WASL: variants seen among roughly 807,000 people sequenced by gnomAD.
WASL encodes WASP like actin nucleation promoting factor, also known as actin nucleation-promoting factor WASL.
A neutral mutation model predicts 55.5 loss-of-function variants in WASL; 20 were observed. The ratio of observed to expected loss-of-function variants is 0.36; its 90% confidence interval spans 0.25 to 0.52. The LOEUF is 0.52. WASL is among the 20% of genes least tolerant of loss of function. WASL has a pLI of 0.92. For missense variants in WASL, 504 were observed against 622.5 expected, an observed-to-expected ratio of 0.81 and a Z score of 2.03; for synonymous variants, 249 against 217.6, an observed-to-expected ratio of 1.14 and a Z score of -1.27.
chr7:123,721,781 C>T (rs1363511922), intron 1 of WASL, among the ~76,000 whole-genome samples: 2 of 152,032 alleles, frequency 1.3e-5, no homozygotes, highest in Non-Finnish European at 2.9e-5. Context: ...GGCGTGGTGG[C>T]GGGCGCCTGT....
At chr7:123,720,855 T>A (rs1180706224) in intron 1 of WASL, among the ~76,000 whole-genome samples, 2 of 151,800 alleles carry the variant, frequency 1.3e-5, no homozygotes, top group East Asian at 1.9e-4. Context: ...AAATTAAAAA[T>A]TGATTTAAAA....
intron 2 of WASL, among the ~76,000 whole-genome samples, chr7:123,708,602 A>G (rs905830085): frequency 6.6e-6 from 1 of 152,188 alleles, no homozygotes; most frequent in Non-Finnish European, 1.5e-5. Flanking sequence ...AAATCTGAAT[A>G]TATCTATCAT....
At chr7:123,690,448 A>G (rs1334496816) in intron 9 of WASL, among the ~76,000 whole-genome samples, 1 of 152,160 alleles carries the variant, frequency 6.6e-6, no homozygotes, top group Non-Finnish European at 1.5e-5. Flanking sequence ...CAACCACAAA[A>G]TGGTCTTTTT....
At chr7:123,708,549 A>G (rs892031196) in intron 2 of WASL, among the ~76,000 whole-genome samples, 6 of 152,168 alleles carry the variant, frequency 3.9e-5, no homozygotes, top group African/African-American at 1.2e-4. Flanking sequence ...TCAATCTATA[A>G]CAATGTGATT....
At chr7:123,707,114 T>A (rs962564556) in intron 2 of WASL, among the ~76,000 whole-genome samples, 1 of 152,130 alleles carries the variant, frequency 6.6e-6, no homozygotes, top group East Asian at 1.9e-4. Flanking sequence ...AGCTACTTGG[T>A]CAAATACATA....
intron 7 of WASL, among the ~76,000 whole-genome samples, chr7:123,695,153 C>T (rs1383859802): frequency 6.6e-6 from 1 of 151,970 alleles, no homozygotes; most frequent in Non-Finnish European, 1.5e-5. Flanking sequence ...TCTACCTTGT[C>T]CTAAGTAAGT....
chr7:123,701,402 G>GCCT (rs1482613406), intron 5 of WASL, among the ~76,000 whole-genome samples: 1 of 152,130 alleles, frequency 6.6e-6, no homozygotes, highest in East Asian at 1.9e-4. Context: ...AAGCAAAGAA[G>GCCT]CCTCACCAAG....
intron 1 of WASL, among the ~76,000 whole-genome samples, chr7:123,716,873 C>T (rs1803852517): frequency 6.6e-6 from 1 of 151,802 alleles, no homozygotes; most frequent in East Asian, 1.9e-4. Context: ...TAATACAATC[C>T]CCTCATTTTA....
At chr7:123,730,984 T>C (rs1804127345) in intron 1 of WASL, among the ~76,000 whole-genome samples, 1 of 152,142 alleles carries the variant, frequency 6.6e-6, no homozygotes, top group Non-Finnish European at 1.5e-5. Context: ...GGGTGTCTGT[T>C]GTTGTCTTGT....
intron 1 of WASL, among the ~76,000 whole-genome samples, chr7:123,722,840 G>A (rs1803974288): frequency 6.6e-6 from 1 of 152,004 alleles, no homozygotes; most frequent in African/African-American, 2.4e-5. Context: ...TTATAACAAA[G>A]TATAAGTACC....
chr7:123,713,083 TTAA>T lies in WASL; in HGVS notation c.118-3863_118-3861del, dbSNP rs200264440. Among the ~76,000 whole-genome samples, 1,165 of 152,224 alleles carry T rather than the reference TTAA, an allele frequency of 7.7e-3. 10 individuals carry two copies. The highest frequency in any genetic ancestry group is 0.031 in the Middle Eastern group (9 of 294). ...GATTTAATACTGAATAACTGAATAT[TTAA>T]TAATAACTAAAATTATTTTAATCTA... On this transcript the variant is annotated intron_variant, in intron 1 of 10. Coordinates refer to ENST00000223023, the MANE Select transcript of WASL (RefSeq NM_003941.4).
chr7:123,735,646 A>C (rs1483944805), intron 1 of WASL, among the ~76,000 whole-genome samples: 1 of 152,196 alleles, frequency 6.6e-6, no homozygotes, highest in Non-Finnish European at 1.5e-5. Context: ...TCTGAAATGA[A>C]AAATACAGTG....
At chr7:123,693,766 G>C (rs1803450326) in intron 8 of WASL, among the ~76,000 whole-genome samples, 1 of 152,148 alleles carries the variant, frequency 6.6e-6, no homozygotes, top group Admixed American at 6.5e-5. Context: ...AAGAGTTTGA[G>C]ACCAACCTGG....
chr7:123,738,580 G>A (rs1363063017), intron 1 of WASL, among the ~76,000 whole-genome samples: 3 of 152,048 alleles, frequency 2.0e-5, no homozygotes, highest in African/African-American at 7.2e-5. Context: ...TTTTCTTCAC[G>A]TTTCTGGTAT....
chr7:123,728,360 A>G (rs547374802), intron 1 of WASL, among the ~76,000 whole-genome samples: 2 of 152,310 alleles, frequency 1.3e-5, no homozygotes, highest in South Asian at 2.1e-4. Flanking sequence ...AATTGTCATA[A>G]AAGAATAGAT....
At chr7:123,694,092 AG>A in intron 8 of WASL, among the ~76,000 whole-genome samples, 1 of 152,338 alleles carries the variant, frequency 6.6e-6, no homozygotes, top group South Asian at 2.1e-4. Context: ...TGCAAAAGCT[AG>A]GAAGAAGAAA....
chr7:123,732,402 G>T (rs1316801336), intron 1 of WASL, among the ~76,000 whole-genome samples: 2 of 152,064 alleles, frequency 1.3e-5, no homozygotes, highest in African/African-American at 4.8e-5. Context: ...GACATTAAAA[G>T]ACTAACAAGG....
intron 1 of WASL, among the ~76,000 whole-genome samples, chr7:123,723,697 T>C (rs1042706834): frequency 6.6e-6 from 1 of 152,190 alleles, no homozygotes; most frequent in Non-Finnish European, 1.5e-5. Context: ...ATGGGTTTAG[T>C]AAGGAAGGAG....
At chr7:123,715,538 T>C (rs1440167226) in intron 1 of WASL, among the ~76,000 whole-genome samples, 1 of 152,208 alleles carries the variant, frequency 6.6e-6, no homozygotes, top group Non-Finnish European at 1.5e-5. Flanking sequence ...CTATAAGAAA[T>C]GGCTCCACGT....
Sources: gnomAD v4.1 joint callset for allele counts (sites outside exome capture counted in the v4.1 genomes callset) on GRCh38, gnomAD v4.1.1 for gene constraint, MANE v1.5 for transcripts, NCBI Gene and HGNC (gene_info 2026-07-23, HGNC 2026-07-21) for gene names.